JAKMIP2: variants seen among roughly 807,000 people sequenced by gnomAD.
JAKMIP2 encodes the protein janus kinase and microtubule-interacting protein 2.
JAKMIP2 carries 25 observed loss-of-function variants against 115.0 expected under a neutral mutation model. That is an observed-to-expected ratio of 0.22 (90% CI 0.16 to 0.30). JAKMIP2 has a LOEUF of 0.30. Ranked by LOEUF, JAKMIP2 falls within the 10% of genes least tolerant of loss-of-function variation. The pLI is 1.00. For missense variants in JAKMIP2, 642 were observed against 957.6 expected, an observed-to-expected ratio of 0.67 and a Z score of 4.35; for synonymous variants, 334 against 343.6, an observed-to-expected ratio of 0.97 and a Z score of 0.31.
chr5:147,624,833 C>T (rs972081776), intron 16 of JAKMIP2, among the ~76,000 whole-genome samples: 2 of 152,082 alleles, frequency 1.3e-5, no homozygotes, highest in African/African-American at 2.4e-5. Context: ...GAAAGGTTAC[C>T]TGATTTCTCT....
At chr5:147,704,345 G>A (rs146380251) in intron 1 of JAKMIP2, among the ~76,000 whole-genome samples, 2 of 152,216 alleles carry the variant, frequency 1.3e-5, no homozygotes, top group African/African-American at 2.4e-5. Flanking sequence ...ACAACATTAC[G>A]ACTGCTACAA....
chr5:147,653,423 T>C (rs1758510570), intron 3 of JAKMIP2, among the ~76,000 whole-genome samples: 1 of 152,206 alleles, frequency 6.6e-6, no homozygotes. Flanking sequence ...TGGGATGGTA[T>C]CTAATTGTGG....
At chr5:147,730,488 G>A (rs192303513) in intron 1 of JAKMIP2, among the ~76,000 whole-genome samples, 88 of 150,676 alleles carry the variant, frequency 5.8e-4, no homozygotes, top group Admixed American at 3.3e-3. Flanking sequence ...GTGGAGTCTC[G>A]CTCTGTCGCC....
chr5:147,732,068 C>T (rs181804008), intron 1 of JAKMIP2, among the ~76,000 whole-genome samples: 1 of 152,248 alleles, frequency 6.6e-6, no homozygotes, highest in African/African-American at 2.4e-5. Context: ...CTAAATATTG[C>T]CAAGTAGTTG....
chr5:147,656,979 T>C lies in JAKMIP2; in HGVS notation c.627+3969A>G, dbSNP rs143090911. ...TATGAAATTCTGGGTTGAAAATTAT[T>C]TTCTTTAAGAATGTTGATGGCTGGG... On this transcript the variant is annotated intron_variant, in intron 3 of 21. Coordinates refer to ENST00000616793, the MANE Select transcript of JAKMIP2 (RefSeq NM_001270941.2). Among the ~76,000 whole-genome samples, 658 of 152,296 alleles carry C rather than the reference T, an allele frequency of 4.3e-3. 9 individuals carry two copies. Among genetic ancestry groups the C allele is most frequent in the African/African-American group, 0.015 (609 of 41,556 alleles).
chr5:147,728,448 T>G (rs763491602), intron 1 of JAKMIP2, among the ~76,000 whole-genome samples: 2 of 152,212 alleles, frequency 1.3e-5, no homozygotes, highest in Non-Finnish European at 1.5e-5. Flanking sequence ...ATCTGTTTTG[T>G]CTTCCAGCTG....
intron 21 of JAKMIP2, among the ~76,000 whole-genome samples, chr5:147,598,716 A>C (rs1755540922): frequency 6.6e-6 from 1 of 152,170 alleles, no homozygotes; most frequent in Admixed American, 6.5e-5. Flanking sequence ...ATCATTACTG[A>C]CAATAATGAC....
intron 1 of JAKMIP2, among the ~76,000 whole-genome samples, chr5:147,736,424 C>A (rs1262246841): frequency 6.6e-6 from 1 of 152,062 alleles, no homozygotes; most frequent in Non-Finnish European, 1.5e-5. Flanking sequence ...CGCCACTGCA[C>A]TCCAGCCTGG....
chr5:147,666,208 T>C (rs1398863527), intron 2 of JAKMIP2, among the ~76,000 whole-genome samples: 2 of 152,130 alleles, frequency 1.3e-5, no homozygotes, highest in African/African-American at 4.8e-5. Flanking sequence ...GTGACTGAAA[T>C]TTTTGGGGAA....
At chr5:147,637,965 A>C (rs902322845) in intron 10 of JAKMIP2, among the ~76,000 whole-genome samples, 1 of 152,198 alleles carries the variant, frequency 6.6e-6, no homozygotes, top group African/African-American at 2.4e-5. Context: ...GAATAAAAAC[A>C]GCGATGAAAG....
intron 6 of JAKMIP2, among the ~76,000 whole-genome samples, chr5:147,644,545 ATGTTAGT>A (rs1758034985): frequency 6.6e-6 from 1 of 152,214 alleles, no homozygotes; most frequent in South Asian, 2.1e-4. Context: ...TGTAAATAGC[ATGTTAGT>A]GAAGTCATGG....
Position 147,597,236 on chromosome 5 carries a change from T to C in JAKMIP2, c.*20+4505A>G, listed in dbSNP as rs1031479906. Among the ~76,000 whole-genome samples, 3 of 152,110 alleles carry C rather than the reference T, an allele frequency of 2.0e-5. No individual in the cohort carries two copies. In the East Asian group the frequency reaches 5.8e-4, roughly 29 times the overall value. ...ATAATAGAGACTGGTCATGTGGCCA[T>C]TTGTTTTCCCCAGGCTACCTGAGTA... On this transcript the variant is annotated intron_variant, in intron 21 of 21. Coordinates refer to ENST00000616793, the MANE Select transcript of JAKMIP2 (RefSeq NM_001270941.2).
chr5:147,605,555 G>A (rs1165588389), intron 20 of JAKMIP2, among the ~76,000 whole-genome samples: 1 of 152,150 alleles, frequency 6.6e-6, no homozygotes, highest in African/African-American at 2.4e-5. Flanking sequence ...GGGCATTTGG[G>A]TTGGTTCCAA....
rs999445950 is a variant in JAKMIP2, at chr5:147,637,968, G to A, written c.1531-920C>T. ...TAGTACAAAGTTGAATAAAAACAGCGATGAAAGATATCCTTATTCATTGTG... is the reference window on the plus strand; with the variant it reads ...TAGTACAAAGTTGAATAAAAACAGCAATGAAAGATATCCTTATTCATTGTG... On this transcript the variant is annotated intron_variant, in intron 10 of 21. Transcript: ENST00000616793. Among the ~76,000 whole-genome samples the A allele has an allele frequency of 3.3e-5, 5 of 152,170 alleles. No homozygotes were observed. In the East Asian group the frequency reaches 5.8e-4, roughly 18 times the overall value.
intron 1 of JAKMIP2, among the ~76,000 whole-genome samples, chr5:147,698,418 G>A (rs1006688414): frequency 1.3e-5 from 2 of 152,186 alleles, no homozygotes; most frequent in Non-Finnish European, 2.9e-5. Context: ...GGAAAGGCAT[G>A]ATTGTGTTTT....
At chr5:147,669,016 T>A (rs187438544) in intron 2 of JAKMIP2, among the ~76,000 whole-genome samples, 1 of 152,200 alleles carries the variant, frequency 6.6e-6, no homozygotes, top group Non-Finnish European at 1.5e-5. Flanking sequence ...TACTGCCCCA[T>A]TACCCCAAAG....
chr5:147,721,006 G>A (rs1363038170), intron 1 of JAKMIP2, among the ~76,000 whole-genome samples: 1 of 151,276 alleles, frequency 6.6e-6, no homozygotes, highest in Non-Finnish European at 1.5e-5. Context: ...TTTGATGATG[G>A]TGATGTACAG....
At position 147,671,920 on chromosome 5, in the gene JAKMIP2, T is replaced by A; in HGVS notation, c.-114A>T. On this transcript the variant is annotated 5_prime_UTR_variant, in exon 2 of 22. It adds an upstream start codon to the 5' untranslated region. Coordinates refer to ENST00000616793, the MANE Select transcript of JAKMIP2 (RefSeq NM_001270941.2). The stretch of plus-strand genomic sequence containing the variant: ...CTCAGCATCTACTGTGTGGTGCTCC[T>A]TGGTAAGGTCTCCTCAATCGCTGCC... The A allele has an allele frequency of 4.4e-6, 6 of 1,351,878 alleles. No individual in the cohort carries two copies. Among genetic ancestry groups the A allele is most frequent in the Non-Finnish European group, 4.8e-6 (5 of 1,044,352 alleles). 83.7% of individuals were successfully genotyped at this position (1,351,878 alleles called of 1,614,324 possible).
At position 147,711,786 on chromosome 5, in the gene JAKMIP2, G is replaced by A. The variant is rs576101339; in HGVS notation, c.-148-39832C>T. Reference sequence around the variant, plus strand: ...GGGTTGAAGCGATTCTCCGGCCTCAGCCTCTCCAGTAGCAAGGATTATAGG... The same window carrying A: ...GGGTTGAAGCGATTCTCCGGCCTCAACCTCTCCAGTAGCAAGGATTATAGG... On this transcript the variant is annotated intron_variant, in intron 1 of 21. Transcript: ENST00000616793. 5.6e-4 allele frequency among the ~76,000 whole-genome samples: 85 copies of A among 152,278 alleles called. 1 individual carries two copies. In the South Asian group the frequency reaches 0.017, roughly 31 times the overall value.
Sources: allele counts gnomAD v4.1 joint callset (sites outside exome capture counted in the v4.1 genomes callset), GRCh38; gene constraint gnomAD v4.1.1; transcripts MANE v1.5; gene names NCBI Gene and HGNC (gene_info 2026-07-23, HGNC 2026-07-21).